The following GPR137 variants were observed in gnomAD, a reference collection of about 807,000 sequenced individuals.
GPR137 encodes G protein-coupled receptor 137.
In GPR137, 20 loss-of-function variants were observed where a neutral mutation model predicts 38.9. The observed-to-expected ratio is 0.51, with a 90% CI of 0.36 to 0.75. GPR137 has a LOEUF of 0.75. Among genes scored for constraint, GPR137 ranks in the 30% least tolerant of loss-of-function variants. GPR137 has a pLI of 0.00. For synonymous variants in GPR137, 226 were observed against 235.8 expected (o/e 0.96, Z 0.38); for missense variants, 456 against 526.4 (o/e 0.87, Z 1.31).
upstream of GPR137, chr11:64,284,338 C>T (rs1298135429): frequency 4.3e-6 from 7 of 1,612,992 alleles, no homozygotes; most frequent in Non-Finnish European, 5.9e-6. Context: ...TCTTCCTGCT[C>T]ACTCGGCTCA....
chr11:64,282,094 C>T (rs188889982), upstream of GPR137, among the ~76,000 whole-genome samples: 4 of 152,282 alleles, frequency 2.6e-5, no homozygotes, highest in African/African-American at 9.6e-5. Flanking sequence ...CTTGTTTGCT[C>T]ATGGCCCCAC....
upstream of GPR137, among the ~76,000 whole-genome samples, chr11:64,282,524 C>G (rs2033546152): frequency 6.6e-6 from 1 of 151,814 alleles, no homozygotes; most frequent in South Asian, 2.1e-4. Flanking sequence ...CGTTTGAGCC[C>G]AGGAGTTTGA....
chr11:64,278,381 T>A (rs2033208752), intron 2 of GPR137, among the ~76,000 whole-genome samples: 1 of 147,906 alleles, frequency 6.8e-6, no homozygotes, highest in Admixed American at 6.8e-5. Context: ...AAATTATATA[T>A]ATATATTTAT....
chr11:64,286,449 C>A lies in GPR137; in HGVS notation c.-76C>A. On this transcript the variant is annotated 5_prime_UTR_variant, in exon 1 of 7. Transcript: ENST00000438980. ...CTCTCTGCACCCTGCAATTCCCACC[C>A]CTCCGTATTTATTTCCCTGGTCCCG... is the stretch of plus-strand genomic sequence containing the variant. 1 of 1,543,294 alleles carries A rather than the reference C, an allele frequency of 6.5e-7. No individual in the cohort carries two copies. The highest frequency in any genetic ancestry group is 8.7e-7 in the Non-Finnish European group (1 of 1,144,964).
In GPR137 at chr11:64,288,748, C is replaced by T. The variant is rs1195735635; in HGVS notation, c.1031+27C>T. 1.3e-6 allele frequency: 2 copies of T among 1,508,930 alleles called. No homozygotes were observed. Among genetic ancestry groups the T allele is most frequent in the African/African-American group, 2.8e-5 (2 of 72,272 alleles). 93.5% of individuals were successfully genotyped at this position (1,508,930 alleles called of 1,614,324 possible). On this transcript the variant is annotated intron_variant, in intron 6 of 6. Transcript: ENST00000438980. This position sits in a 1 kb window ranked among gnomAD's most constrained non-coding sequence, Gnocchi z 5.5. ...TAGGAGCCGTGGCACTGCCTCAGTA[C>T]CCCTGCCCTACCCGCCCACCCCGCT... is the stretch of plus-strand genomic sequence containing the variant.
chr11:64,276,979 G>C, intron 2 of GPR137: 1 of 734,362 alleles, frequency 1.4e-6, no homozygotes, highest in Non-Finnish European at 2.5e-6. Context: ...ATGCTTCCGC[G>C]AGCATCCCTG....
chr11:64,282,339 C>T (rs986787059), upstream of GPR137, among the ~76,000 whole-genome samples: 1 of 152,160 alleles, frequency 6.6e-6, no homozygotes, highest in Non-Finnish European at 1.5e-5. Flanking sequence ...TGGTGGCTCA[C>T]GCCAGTAATC....
upstream of GPR137, among the ~76,000 whole-genome samples, chr11:64,273,647 G>A (rs544023171): frequency 1.3e-5 from 2 of 151,930 alleles, no homozygotes; most frequent in Non-Finnish European, 2.9e-5. Flanking sequence ...TTGGGAGGCC[G>A]AGGTTGGGGA....
chr11:64,271,544 A>T (rs1188255303), upstream of GPR137: 1 of 1,342,824 alleles, frequency 7.4e-7, no homozygotes, highest in Admixed American at 3.6e-5. Context: ...CCTTGGGACA[A>T]GGCAGGGACA....
chr11:64,284,352 T>C, upstream of GPR137: 1 of 1,612,916 alleles, frequency 6.2e-7, no homozygotes, highest in Non-Finnish European at 8.5e-7. Context: ...CGGCTCAAAC[T>C]CTGGGATCTG....
chr11:64,278,653 G>C (rs1214486208), intron 2 of GPR137, among the ~76,000 whole-genome samples: 2 of 152,164 alleles, frequency 1.3e-5, no homozygotes, highest in Non-Finnish European at 2.9e-5. Flanking sequence ...CCTGCAGTCT[G>C]GCCCAGGGGC....
At chr11:64,277,486 G>A (rs1019122207) in intron 2 of GPR137, among the ~76,000 whole-genome samples, 3 of 152,198 alleles carry the variant, frequency 2.0e-5, no homozygotes, top group Admixed American at 2.0e-4. Context: ...CACCCAGACT[G>A]GAGTGGGGTG....
chr11:64,287,147 G>C (rs146898663), intron 2 of GPR137, 133 bp downstream of exon 2: 4 of 1,476,794 alleles, frequency 2.7e-6, no homozygotes, highest in Admixed American at 2.4e-5. Context: ...TCTTGGAAAA[G>C]TTAAAGCACC....
At position 64,286,559 on chromosome 11, in the gene GPR137, C is replaced by T. The variant is rs748930595; in HGVS notation, c.35C>T (p.Ala12Val). Residue 12 changes from alanine (A) to valine (V), a missense_variant, in exon 1 of 7, where the codon GCC (alanine) becomes GTC (valine). Transcript: ENST00000438980. Reference protein sequence around the residue: ...ESNLSGLVPAAGLVPALPPAV... With the variant: ...ESNLSGLVPAVGLVPALPPAV... ...AACCTGTCTGGCCTGGTGCCTGCTG[C>T]CGGGCTGGTGCCTGCGCTGCCACCT... 5.0e-6 allele frequency: 8 copies of T among 1,612,748 alleles called. 1 individual carries two copies. In the South Asian group the frequency reaches 7.7e-5, roughly 16 times the overall value.
chr11:64,285,980 G>C lies in GPR137; in HGVS notation c.-545G>C. The C allele has an allele frequency of 1.0e-6, 1 of 981,404 alleles. No individual in the cohort carries two copies. Among genetic ancestry groups the C allele is most frequent in the Non-Finnish European group, 1.2e-6 (1 of 826,202 alleles). 60.8% of individuals were successfully genotyped at this position (981,404 alleles called of 1,614,324 possible). ...CTGGAGCGTGGACGCGGTGGGGGAGGGTGGGGCGGGGGCAGCTTTCGAGAA... is the reference window on the plus strand; with the variant it reads ...CTGGAGCGTGGACGCGGTGGGGGAGCGTGGGGCGGGGGCAGCTTTCGAGAA... On this transcript the variant is annotated 5_prime_UTR_variant, in exon 1 of 7. Transcript: ENST00000438980.
At chr11:64,278,858 G>T (rs1215992281) in intron 2 of GPR137, among the ~76,000 whole-genome samples, 6 of 152,352 alleles carry the variant, frequency 3.9e-5, no homozygotes, top group African/African-American at 1.4e-4. Flanking sequence ...CAGGTAGAGA[G>T]GGCAGAGGCC....
upstream of GPR137, among the ~76,000 whole-genome samples, chr11:64,282,965 G>A (rs2033586521): frequency 6.7e-6 from 1 of 149,616 alleles, no homozygotes; most frequent in Admixed American, 6.6e-5. Context: ...TACGTGGGAG[G>A]ATCACTTAAG....
upstream of GPR137, among the ~76,000 whole-genome samples, chr11:64,280,491 A>G (rs1244560239): frequency 6.9e-6 from 1 of 145,574 alleles, no homozygotes; most frequent in Non-Finnish European, 1.5e-5. Flanking sequence ...AGCTGGGACT[A>G]TAGGCACCCA....
rs954643820 is a variant in GPR137, at chr11:64,286,359, GTCTC to G, written c.-162_-159del. ...CTGCCTGTGTTCCCCAAGGGCAAGGGTCTCTCTGTTGAGGAGGAGGGGCCTGTCA... is the reference window on the plus strand; with the variant it reads ...CTGCCTGTGTTCCCCAAGGGCAAGGGTCTGTTGAGGAGGAGGGGCCTGTCA... On this transcript the variant is annotated 5_prime_UTR_variant, in exon 1 of 7. An upstream open reading frame in the 5' UTR loses its in-frame stop. Transcript: ENST00000438980. 7.1e-7 allele frequency: 1 copy of G among 1,412,018 alleles called. No individual in the cohort carries two copies. Among genetic ancestry groups the G allele is most frequent in the African/African-American group, 1.5e-5 (1 of 68,018 alleles). 87.5% of individuals were successfully genotyped at this position (1,412,018 alleles called of 1,614,324 possible). A position where few individuals can be genotyped will look rare whatever the true frequency, so the allele number is the denominator to read the frequency against.
Sources: gnomAD v4.1 joint callset for allele counts (sites outside exome capture counted in the v4.1 genomes callset) on GRCh38, gnomAD v4.1.1 for gene constraint, Gnocchi (gnomAD v3.1) non-coding constraint, MANE v1.5 for transcripts, NCBI Gene and HGNC (gene_info 2026-07-23, HGNC 2026-07-21) for gene names.